Variants in KMT2C observed in about 807,000 individuals in gnomAD.
KMT2C encodes the protein histone-lysine N-methyltransferase 2C.
KMT2C carries 88 observed loss-of-function variants against 507.9 expected under a neutral mutation model. The ratio of observed to expected loss-of-function variants is 0.17; its 90% CI spans 0.15 to 0.21. The LOEUF (loss-of-function observed/expected upper bound fraction) is 0.21. Among genes scored for constraint, KMT2C ranks in the 10% least tolerant of loss-of-function variants. The pLI is 1.00. For missense variants in KMT2C, 4,954 were observed against 5,957.8 expected, an observed-to-expected ratio of 0.83 and a Z score of 5.55; for synonymous variants, 2,049 against 2,080.8, an observed-to-expected ratio of 0.98 and a Z score of 0.42.
In KMT2C at chr7:152,171,363, A is replaced by G. The variant is rs550947081; in HGVS notation, c.9375-21T>C. 2.6e-6 allele frequency: 4 copies of G among 1,512,746 alleles called. No homozygotes were observed. The East Asian group carries it at 6.8e-5, about 26-fold the overall frequency. The allele number at this position is 1,512,746 out of a possible 1,614,324, so 93.7% of individuals were successfully genotyped here. A position where few individuals can be genotyped will look rare whatever the true frequency, so the allele number is the denominator to read the frequency against. On this transcript the variant is annotated intron_variant, in intron 39 of 58. Transcript: ENST00000262189. ...GGAACCTGTCAAAACAGGGTACACAAGTATCAAGTGATGAGCGTTTAGAAA... is the reference window on the plus strand; with the variant it reads ...GGAACCTGTCAAAACAGGGTACACAGGTATCAAGTGATGAGCGTTTAGAAA...
intron 1 of KMT2C, among the ~76,000 whole-genome samples, chr7:152,373,795 C>G (rs748083379): frequency 5.9e-5 from 9 of 152,010 alleles, no homozygotes; most frequent in Non-Finnish European, 1.3e-4. Context: ...AACAAAGTTA[C>G]TAGGAATAAC....
intron 38 of KMT2C, 48 bp downstream of exon 38, chr7:152,176,143 A>C (rs2093199557): frequency 6.8e-7 from 1 of 1,481,312 alleles, no homozygotes; most frequent in Non-Finnish European, 9.1e-7. Context: ...ATCGCATGCC[A>C]CTCTAATACC....
chr7:152,197,154 C>T (rs918311640), intron 27 of KMT2C, among the ~76,000 whole-genome samples: 9 of 152,122 alleles, frequency 5.9e-5, no homozygotes, highest in African/African-American at 2.2e-4. Flanking sequence ...GAGGTGATGA[C>T]AGCACCAGGG....
intron 1 of KMT2C, among the ~76,000 whole-genome samples, chr7:152,434,662 G>C (rs1466675479): frequency 1.3e-5 from 2 of 152,126 alleles, no homozygotes; most frequent in African/African-American, 4.8e-5. Context: ...CACGGCACAC[G>C]CGAGAGCCAC....
At chr7:152,340,600 C>G (rs903330082) in intron 2 of KMT2C, among the ~76,000 whole-genome samples, 1 of 152,050 alleles carries the variant, frequency 6.6e-6, no homozygotes, top group Non-Finnish European at 1.5e-5. Flanking sequence ...AATATTGACA[C>G]TGATTAATAA....
At chr7:152,222,757 A>G in intron 20 of KMT2C, 75 bp from the exon 21 acceptor site, 2 of 799,262 alleles carry the variant, frequency 2.5e-6, no homozygotes, top group South Asian at 3.1e-5. Flanking sequence ...AAAACCTGTA[A>G]CACTGAGTCT....
At chr7:152,238,905 A>G (rs2095333122) in intron 14 of KMT2C, 79 bp from the exon 15 acceptor site, 1 of 1,390,022 alleles carries the variant, frequency 7.2e-7, no homozygotes, top group East Asian at 2.5e-5. Flanking sequence ...AAGGAATTTT[A>G]GAACAGCAAA....
At chr7:152,423,342 AAAAC>A (rs775335947) in intron 1 of KMT2C, among the ~76,000 whole-genome samples, 13 of 152,358 alleles carry the variant, frequency 8.5e-5, no homozygotes, top group South Asian at 2.1e-4. Context: ...TCTGTCTCAG[AAAAC>A]AAACAAACTA....
At chr7:152,145,053 C>A in intron 54 of KMT2C, 100 bp downstream of exon 54, 1 of 1,466,958 alleles carries the variant, frequency 6.8e-7, no homozygotes, top group Non-Finnish European at 9.3e-7. Context: ...CATACACAGC[C>A]AGACAGCAGG....
intron 21 of KMT2C, 37 bp downstream of exon 21, chr7:152,222,536 C>T (rs773052680): frequency 1.5e-5 from 16 of 1,085,426 alleles, no homozygotes; most frequent in Admixed American, 1.4e-4. Context: ...GTGAGTGGTA[C>T]AAGAGTGCAG....
At chr7:152,300,705 T>C (rs2096558298) in intron 6 of KMT2C, among the ~76,000 whole-genome samples, 5 of 152,210 alleles carry the variant, frequency 3.3e-5, no homozygotes. Flanking sequence ...GGAGGCAGTC[T>C]TGTGGACCCC....
At chr7:152,434,745 T>C (rs2097899906) in intron 1 of KMT2C, among the ~76,000 whole-genome samples, 1 of 152,192 alleles carries the variant, frequency 6.6e-6, no homozygotes, top group Non-Finnish European at 1.5e-5. Flanking sequence ...AACCGTTCTG[T>C]AAGAAGACAT....
intron 6 of KMT2C, among the ~76,000 whole-genome samples, chr7:152,284,195 A>G (rs975297050): frequency 7.9e-5 from 12 of 151,928 alleles, no homozygotes; most frequent in Non-Finnish European, 1.6e-4. Context: ...TTAAACTGAA[A>G]ACATAAATAT....
chr7:152,172,927 T>G (rs192880413), intron 39 of KMT2C, among the ~76,000 whole-genome samples: 5 of 152,308 alleles, frequency 3.3e-5, no homozygotes, highest in Admixed American at 3.3e-4. Context: ...ATAAATTTAA[T>G]TATATTTTAA....
chr7:152,198,230 C>G (rs1045407279), intron 27 of KMT2C, among the ~76,000 whole-genome samples: 2 of 152,200 alleles, frequency 1.3e-5, no homozygotes, highest in African/African-American at 4.8e-5. Context: ...CATGACCTCA[C>G]TACCAACAAT....
chr7:152,377,540 C>T (rs2097338526), intron 1 of KMT2C, among the ~76,000 whole-genome samples: 1 of 152,028 alleles, frequency 6.6e-6, no homozygotes, highest in South Asian at 2.1e-4. Flanking sequence ...TTCAAGAAGA[C>T]CCTGGCCAAC....
intron 23 of KMT2C, among the ~76,000 whole-genome samples, chr7:152,212,639 C>T (rs2094480454): frequency 6.6e-6 from 1 of 151,766 alleles, no homozygotes; most frequent in Non-Finnish European, 1.5e-5. Context: ...ATGAAGAAAA[C>T]ATTTCCATTT....
intron 1 of KMT2C, among the ~76,000 whole-genome samples, chr7:152,362,266 G>T (rs2097203242): frequency 6.6e-6 from 1 of 152,196 alleles, no homozygotes; most frequent in South Asian, 2.1e-4. Flanking sequence ...TGCAGTAGAA[G>T]TAACAGCAAA....
At chr7:152,423,038 A>T (rs1034310840) in intron 1 of KMT2C, among the ~76,000 whole-genome samples, 13 of 151,180 alleles carry the variant, frequency 8.6e-5, no homozygotes, top group Non-Finnish European at 4.4e-5. Flanking sequence ...AAAGAAAAAA[A>T]GAAAAAAAAA....
Sources: allele counts gnomAD v4.1 joint callset (sites outside exome capture counted in the v4.1 genomes callset), GRCh38; gene constraint gnomAD v4.1.1; transcripts MANE v1.5; gene names NCBI Gene and HGNC (gene_info 2026-07-23, HGNC 2026-07-21).